Variants in ELAPOR1 observed in about 807,000 individuals in gnomAD.
The protein encoded by ELAPOR1 is endosome/lysosome-associated apoptosis and autophagy regulator 1.
In ELAPOR1, 77 loss-of-function variants were observed where a neutral mutation model predicts 119.7. The observed-to-expected ratio is 0.64, with a 90% CI of 0.54 to 0.78. The LOEUF (loss-of-function observed/expected upper bound fraction) is 0.78, where lower values mean the gene tolerates loss of function less well. ELAPOR1 is among the 30% of genes least tolerant of loss of function. ELAPOR1 has a pLI of 0.00. For missense variants in ELAPOR1, 1,115 were observed against 1,270.4 expected, an observed-to-expected ratio of 0.88 and a Z score of 1.86; for synonymous variants, 481 against 487.2, an observed-to-expected ratio of 0.99 and a Z score of 0.17.
At chr1:109,193,118 G>A (rs1044074827) in intron 14 of ELAPOR1, among the ~76,000 whole-genome samples, 1 of 152,092 alleles carries the variant, frequency 6.6e-6, no homozygotes, top group Non-Finnish European at 1.5e-5. Flanking sequence ...GGTAAGAGAG[G>A]TTGGTGACTG....
At chr1:109,158,199 A>G (rs138648639) in intron 1 of ELAPOR1, among the ~76,000 whole-genome samples, 2,470 of 152,154 alleles carry the variant, frequency 0.016, 71 homozygotes, top group African/African-American at 0.056. Context: ...CTAAACTGTT[A>G]CTTTGATAAT....
chr1:109,165,328 T>C (rs1651522374), intron 3 of ELAPOR1, among the ~76,000 whole-genome samples: 1 of 152,112 alleles, frequency 6.6e-6, no homozygotes, highest in Non-Finnish European at 1.5e-5. Flanking sequence ...GGCTCACGCC[T>C]GTAATCCCAG....
At chr1:109,155,093 T>C (rs35041989) in intron 1 of ELAPOR1, among the ~76,000 whole-genome samples, 2,285 of 152,260 alleles carry the variant, frequency 0.015, 64 homozygotes, top group African/African-American at 0.052. Flanking sequence ...TCAACAGGTT[T>C]TAAACACCAC....
chr1:109,185,061 CT>C lies in ELAPOR1; in HGVS notation c.970del (p.Cys324ValfsTer45), dbSNP rs1039825122. The C allele has an allele frequency of 6.2e-7, 1 of 1,614,030 alleles. No individual in the cohort carries two copies. Among genetic ancestry groups the C allele is most frequent in the Non-Finnish European group, 8.5e-7 (1 of 1,179,892 alleles). On this transcript the variant is annotated frameshift_variant, in exon 8 of 22. Transcript: ENST00000369939. LOFTEE classifies it high-confidence loss of function. Reference protein sequence around the residue: ...DKYSEKGSSSCNVRPACTDKD... With the variant: ...DKYSEKGSSSXNVRPACTDKD... ...GCAATTTAGAGAAAGGATCTTCTTC[CT>C]GTAACGTGCGCCCAGCTTGCACAGA... is the stretch of plus-strand genomic sequence containing the variant.
intron 11 of ELAPOR1, among the ~76,000 whole-genome samples, chr1:109,190,135 A>AACAT (rs200042344): frequency 5.3e-5 from 8 of 150,994 alleles, no homozygotes; most frequent in Middle Eastern, 6.8e-3. Flanking sequence ...CAAACAAACA[A>AACAT]ACACGCACAC....
chr1:109,138,594 G>GCAGCAGCAGCAGCAGCA, intron 1 of ELAPOR1, among the ~76,000 whole-genome samples: 1 of 152,078 alleles, frequency 6.6e-6, no homozygotes, highest in African/African-American at 2.4e-5. Context: ...AGCAGCAGCA[G>GCAGCAGCAGCAGCAGCA]GCTAAAACTT....
intron 15 of ELAPOR1, 22 bp downstream of exon 15, chr1:109,194,616 G>T (rs763624094): frequency 3.7e-6 from 6 of 1,608,494 alleles, no homozygotes; most frequent in Non-Finnish European, 5.1e-6. Context: ...CAGTTGACAG[G>T]GTGAAAATTG....
intron 1 of ELAPOR1, among the ~76,000 whole-genome samples, chr1:109,160,482 C>A (rs968661908): frequency 6.6e-6 from 1 of 152,034 alleles, no homozygotes; most frequent in African/African-American, 2.4e-5. Context: ...GTCTTGATTT[C>A]ATAGATGTTA....
intron 16 of ELAPOR1, 135 bp from the exon 17 acceptor site, chr1:109,197,844 G>T: frequency 1.0e-6 from 1 of 997,992 alleles, no homozygotes; most frequent in Non-Finnish European, 1.5e-6. Context: ...ACAAACCCTT[G>T]TTTCACCCTT....
chr1:109,163,578 TG>T (rs1651397927), intron 2 of ELAPOR1, among the ~76,000 whole-genome samples: 1 of 150,986 alleles, frequency 6.6e-6, no homozygotes, highest in African/African-American at 2.4e-5. Context: ...TTTTTTTTTT[TG>T]GTAGTGACAG....
chr1:109,114,784 A>G lies in ELAPOR1; in HGVS notation c.153+448A>G, dbSNP rs576539729. Among the ~76,000 whole-genome samples the G allele has an allele frequency of 9.9e-4, 151 of 152,336 alleles. 1 individual carries two copies. The highest frequency in any genetic ancestry group is 3.6e-3 in the African/African-American group (150 of 41,584). ...AAAAGTATCAGAGCGAAGTGGTTTT[A>G]TCATGGCTACACAAAACGGAGTGTG... On this transcript the variant is annotated intron_variant, in intron 1 of 21. Coordinates refer to ENST00000369939, the MANE Select transcript of ELAPOR1 (RefSeq NM_020775.5).
At chr1:109,177,968 A>G (rs1357188556) in intron 7 of ELAPOR1, among the ~76,000 whole-genome samples, 3 of 150,074 alleles carry the variant, frequency 2.0e-5, no homozygotes, top group East Asian at 3.9e-4. Context: ...TGATTTCTCA[A>G]TGTGCCCCAT....
At chr1:109,158,819 T>C (rs1056379775) in intron 1 of ELAPOR1, among the ~76,000 whole-genome samples, 4 of 152,100 alleles carry the variant, frequency 2.6e-5, no homozygotes, top group Admixed American at 2.6e-4. Flanking sequence ...ATTGATGTGT[T>C]TGCAGAACGC....
At chr1:109,200,657 A>C in intron 20 of ELAPOR1, 78 bp from the exon 21 acceptor site, 1 of 1,425,488 alleles carries the variant, frequency 7.0e-7, no homozygotes, top group Non-Finnish European at 9.7e-7. Context: ...GGACCTGTTC[A>C]TAGCCTAACC....
chr1:109,173,231 T>C (rs567869122), intron 5 of ELAPOR1, among the ~76,000 whole-genome samples: 1 of 151,622 alleles, frequency 6.6e-6, no homozygotes, highest in Admixed American at 6.6e-5. Context: ...GGTCTCACCA[T>C]AAGAGATGCT....
At chr1:109,173,892 A>G (rs1652079383) in intron 7 of ELAPOR1, 55 bp downstream of exon 7, 10 of 1,575,340 alleles carry the variant, frequency 6.3e-6, no homozygotes, top group Middle Eastern at 1.8e-4. Context: ...ACCAAAACAC[A>G]CAAGGAGATA....
chr1:109,157,619 A>T (rs1393146275), intron 1 of ELAPOR1, among the ~76,000 whole-genome samples: 4 of 152,176 alleles, frequency 2.6e-5, no homozygotes, highest in Non-Finnish European at 5.9e-5. Flanking sequence ...GAGTTTGTAT[A>T]TCCCCATTTT....
chr1:109,197,996 A>T lies in ELAPOR1; in HGVS notation c.2320A>T (p.Thr774Ser). The T allele has an allele frequency of 6.2e-7, 1 of 1,613,878 alleles. No homozygotes were observed. Among genetic ancestry groups the T allele is most frequent in the Non-Finnish European group, 8.5e-7 (1 of 1,179,938 alleles). The change falls in exon 17 of 22, where the codon ACT becomes TCT. Residue 774 changes from threonine (T) to serine (S), a missense_variant. Physicochemically the swap from Thr to Ser is moderately conservative, Grantham distance 58. Transcript: ENST00000369939. ...DRLIGVTTDM[T>S]LDGITSPAEL... ...TTTGGCAGGGGTGACAACAGATATG[A>T]CTCTGGATGGAATCACCTCCCCAGC... is the stretch of plus-strand genomic sequence containing the variant.
intron 21 of ELAPOR1, 32 bp downstream of exon 21, chr1:109,200,932 C>T: frequency 6.2e-7 from 1 of 1,600,658 alleles, no homozygotes; most frequent in Non-Finnish European, 8.5e-7. Context: ...CTGAGGTCAG[C>T]CTGGAGGGCT....
Sources: gnomAD v4.1 joint callset for allele counts (sites outside exome capture counted in the v4.1 genomes callset) on GRCh38, gnomAD v4.1.1 for gene constraint, MANE v1.5 for transcripts, NCBI Gene and HGNC (gene_info 2026-07-23, HGNC 2026-07-21) for gene names.